Variants in HCN2 observed in about 807,000 individuals in gnomAD.
HCN2 encodes potassium/sodium hyperpolarization-activated cyclic nucleotide-gated channel 2.
In HCN2, 20 loss-of-function variants were observed where a neutral mutation model predicts 52.3. The ratio of observed to expected loss-of-function variants is 0.38; its 90% CI spans 0.27 to 0.56. The LOEUF (loss-of-function observed/expected upper bound fraction) is 0.56, where lower values mean the gene tolerates loss of function less well. Ranked by LOEUF, HCN2 falls within the 20% of genes least tolerant of loss-of-function variation. The pLI is 0.71. For synonymous variants in HCN2, 694 were observed against 537.0 expected (o/e 1.29, Z -4.04); for missense variants, 981 against 1,207.7 (o/e 0.81, Z 2.78).
At position 616,936 on chromosome 19, in the gene HCN2, C is replaced by G; in HGVS notation, c.*462C>G. On this transcript the variant is annotated 3_prime_UTR_variant, in exon 8 of 8. Transcript: ENST00000251287. ...CGCAATAACCGGCCCGGCCCCCGTC[C>G]GCGCGCGTCCCCCGGTGACCTCGGG... 2.6e-6 allele frequency: 1 copy of G among 381,930 alleles called. No homozygotes were observed. The highest frequency in any genetic ancestry group is 4.4e-5 in the Admixed American group (1 of 22,934). The allele number at this position is 381,930 out of a possible 1,614,324, so 23.7% of individuals were successfully genotyped here.
At position 613,319 on chromosome 19, in the gene HCN2, C is replaced by T. The variant is rs200925272; in HGVS notation, c.1656C>T (p.Phe552=). ...MPLFANADPN[F]VTAMLTKLKF... Reference sequence around the variant, plus strand: ...TGTTCGCCAACGCCGACCCCAACTTCGTCACGGCCATGCTGACCAAGCTCA... The same window carrying T: ...TGTTCGCCAACGCCGACCCCAACTTTGTCACGGCCATGCTGACCAAGCTCA... Residue 552 remains phenylalanine (F), a synonymous_variant, in exon 6 of 8, where the codon TTC becomes TTT. Transcript: ENST00000251287. 1.5e-5 allele frequency: 25 copies of T among 1,612,960 alleles called. No homozygotes were observed. Among genetic ancestry groups the T allele is most frequent in the South Asian group, 5.5e-5 (5 of 91,088 alleles).
chr19:608,646 G>A (rs991365083), intron 4 of HCN2, among the ~76,000 whole-genome samples: 12 of 152,054 alleles, frequency 7.9e-5, no homozygotes, highest in South Asian at 2.1e-4. Flanking sequence ...ATCAGGGCAG[G>A]ACAGGGTCAG....
In HCN2 at chr19:590,071, GC is replaced by G. The variant is rs1424537066; in HGVS notation, c.134del (p.Pro45ArgfsTer217). 5.7e-4 allele frequency: 333 copies of G among 587,238 alleles called. No individual in the cohort carries two copies. The highest frequency in any genetic ancestry group is 9.2e-4 in the Middle Eastern group (1 of 1,090). The allele number at this position is 587,238 out of a possible 1,614,324, so 36.4% of individuals were successfully genotyped here. On this transcript the variant is annotated frameshift_variant, in exon 1 of 8. Coordinates refer to ENST00000251287, the MANE Select transcript of HCN2 (RefSeq NM_001194.4). LOFTEE classifies it high-confidence loss of function. This position sits in a 1 kb window ranked among gnomAD's most constrained non-coding sequence, Gnocchi z 7.2. Reference protein sequence around the residue: ...QQPPPPPPPAPPPGPGPAPPQ... With the variant: ...QQPPPPPPPAXPPGPGPAPPQ... ...AGCCGCCGCCGCCGCCGCCGCCCGCGCCCCCCCCGGGCCCCGGGCCCGCGCC... is the reference window on the plus strand; with the variant it reads ...AGCCGCCGCCGCCGCCGCCGCCCGCGCCCCCCCGGGCCCCGGGCCCGCGCC...
rs1438469165 is a variant in HCN2, at chr19:590,278, C to G, written c.333C>G (p.Pro111=). The change falls in exon 1 of 8, where the codon CCC becomes CCG. Residue 111 remains proline, a synonymous_variant. Transcript: ENST00000251287. The surrounding 1 kb of genome is among the most constrained non-coding windows in gnomAD (Gnocchi z 7.2). ...GGCGCGGCGAGCCGCAGTGCAGCCC[C>G]GCGGGGCCCGAGGGCCCGGCGCGGG... ...ECGRGEPQCS[P]AGPEGPARGP... 15 of 988,196 alleles carry G rather than the reference C, an allele frequency of 1.5e-5. No individual in the cohort carries two copies. The highest frequency in any genetic ancestry group is 1.8e-5 in the African/African-American group (1 of 56,314). 61.2% of individuals were successfully genotyped at this position (988,196 alleles called of 1,614,324 possible).
chr19:611,337 A>T (rs1600534619), intron 5 of HCN2, among the ~76,000 whole-genome samples: 1 of 152,352 alleles, frequency 6.6e-6, no homozygotes, highest in East Asian at 1.9e-4. Flanking sequence ...AGCAGAGAGC[A>T]GCTCTGGGAA....
chr19:593,853 G>A (rs116064639), intron 1 of HCN2, among the ~76,000 whole-genome samples: 4,413 of 152,284 alleles, frequency 0.029, 84 homozygotes, highest in Middle Eastern at 0.11. Flanking sequence ...ATTGGAACAG[G>A]CGTGAAAACC....
intron 1 of HCN2, among the ~76,000 whole-genome samples, chr19:594,729 T>G (rs1348621214): frequency 6.6e-6 from 1 of 151,580 alleles, no homozygotes; most frequent in Non-Finnish European, 1.5e-5. Context: ...GAGGCGAGGG[T>G]TTGTCTGGCT....
At chr19:598,313 T>G (rs1983099765) in intron 1 of HCN2, among the ~76,000 whole-genome samples, 1 of 145,316 alleles carries the variant, frequency 6.9e-6, no homozygotes, top group African/African-American at 2.5e-5. Flanking sequence ...CAAGTCAGCC[T>G]TTTTTTTTTT....
Position 614,014 on chromosome 19 carries a change from T to C in HCN2, c.1988T>C (p.Ile663Thr). Residue 663 changes from isoleucine to threonine, a missense_variant and splice_region_variant, in exon 7 of 8, where the codon ATC becomes ACC. This residue lies in a region of HCN2 where 368 missense variants were observed against 314.8 expected (regional missense o/e 1.17). Transcript: ENST00000251287. The part of the protein sequence containing the change: ...ETVAIDRLDR[I>T]GKKNSILLHK... The stretch of plus-strand genomic sequence containing the variant: ...GTGGCCATCGACCGCCTGGACCGCA[T>C]CGGTGAGCGGGCCGGGGGCGTGGCC... 1 of 1,490,854 alleles carries C rather than the reference T, an allele frequency of 6.7e-7. No individual in the cohort carries two copies. The allele number at this position is 1,490,854 out of a possible 1,614,324, so 92.4% of individuals were successfully genotyped here. A position where few individuals can be genotyped will look rare whatever the true frequency, so the allele number is the denominator to read the frequency against.
chr19:616,768 G>A lies in HCN2; in HGVS notation c.*294G>A. The A allele has an allele frequency of 4.8e-6, 1 of 206,780 alleles. No homozygotes were observed. The highest frequency in any genetic ancestry group is 9.6e-6 in the Non-Finnish European group (1 of 104,074). 12.8% of individuals were successfully genotyped at this position (206,780 alleles called of 1,614,324 possible). ...CTCAGTTCCCCCAGCTGTAAGACAG[G>A]GACGGGGCGGCCCAGTGGCTGAGAG... On this transcript the variant is annotated 3_prime_UTR_variant, in exon 8 of 8. Coordinates refer to ENST00000251287, the MANE Select transcript of HCN2 (RefSeq NM_001194.4).
At chr19:607,838 AC>A (rs1983472332) in intron 3 of HCN2, 125 bp from the exon 4 acceptor site, 2 of 657,196 alleles carry the variant, frequency 3.0e-6, no homozygotes, top group South Asian at 3.6e-5. Context: ...TCTCTTGGTT[AC>A]CTCTGAACAT....
chr19:600,525 T>A (rs1314914868), intron 1 of HCN2, among the ~76,000 whole-genome samples: 1 of 152,084 alleles, frequency 6.6e-6, no homozygotes, highest in Non-Finnish European at 1.5e-5. Flanking sequence ...TTTTGTATTT[T>A]TTGTAGAGCT....
In HCN2 at chr19:604,031, G is replaced by A. The variant is rs1983310877; in HGVS notation, c.1056+64G>A. 7 of 1,167,554 alleles carry A rather than the reference G, an allele frequency of 6.0e-6. 2 individuals are homozygous for A. Among genetic ancestry groups the A allele is most frequent in the South Asian group, 4.4e-5 (3 of 68,336 alleles). 72.3% of individuals were successfully genotyped at this position (1,167,554 alleles called of 1,614,324 possible). The stretch of plus-strand genomic sequence containing the variant: ...GGGGCTATAATGGTGCATGGGCGGG[G>A]CCAAGGCAGCAGGGGCGGGGCTATA... On this transcript the variant is annotated intron_variant, in intron 2 of 7. Transcript: ENST00000251287.
chr19:614,490 G>A (rs1983812909), intron 7 of HCN2, among the ~76,000 whole-genome samples: 1 of 152,150 alleles, frequency 6.6e-6, no homozygotes, highest in Admixed American at 6.5e-5. Context: ...GCTTCCCTGA[G>A]TTGGGAATGC....
intron 6 of HCN2, 61 bp from the exon 7 acceptor site, chr19:613,791 G>C (rs1184897224): frequency 2.1e-6 from 3 of 1,423,208 alleles, no homozygotes; most frequent in Non-Finnish European, 2.7e-6. Flanking sequence ...CCGTGTGCCT[G>C]GGCGGGGAGG....
intron 7 of HCN2, among the ~76,000 whole-genome samples, chr19:614,805 C>T (rs28413822): frequency 0.16 from 23,691 of 151,954 alleles, 2,015 homozygotes; most frequent in East Asian, 0.25. Context: ...GGTGACCTGG[C>T]CTCTCAGGGG....
intron 1 of HCN2, among the ~76,000 whole-genome samples, chr19:595,737 C>G (rs1275703892): frequency 1.3e-5 from 2 of 152,220 alleles, no homozygotes; most frequent in African/African-American, 4.8e-5. Flanking sequence ...GAGATCTCCC[C>G]CACCCGTAGC....
At chr19:610,092 G>T (rs1318450972) in intron 4 of HCN2, among the ~76,000 whole-genome samples, 167 bp from the exon 5 acceptor site, 3 of 149,628 alleles carry the variant, frequency 2.0e-5, no homozygotes, top group African/African-American at 7.3e-5. Context: ...CTATCTCCCC[G>T]CCACAGGCCG....
At chr19:600,670 G>T (rs142838361) in intron 1 of HCN2, among the ~76,000 whole-genome samples, 5,236 of 152,044 alleles carry the variant, frequency 0.034, 136 homozygotes, top group Middle Eastern at 0.088. Flanking sequence ...TAGTAGAGAC[G>T]GGGTTTCACC....
Sources: gnomAD v4.1 joint callset for allele counts (sites outside exome capture counted in the v4.1 genomes callset) on GRCh38, gnomAD v4.1.1 for gene constraint, gnomAD v4.1.1 regional missense constraint, Gnocchi (gnomAD v3.1) non-coding constraint, MANE v1.5 for transcripts, NCBI Gene and HGNC (gene_info 2026-07-23, HGNC 2026-07-21) for gene names.